The following PPP2R2C variants were observed in gnomAD, a reference collection of about 807,000 sequenced individuals.
The protein encoded by PPP2R2C is protein phosphatase 2 regulatory subunit Bgamma, also known as protein phosphatase 2, regulatory subunit B, gamma.
A neutral mutation model predicts 45.3 loss-of-function variants in PPP2R2C; 10 were observed. The ratio of observed to expected loss-of-function variants is 0.22; its 90% CI spans 0.14 to 0.37. PPP2R2C has a LOEUF of 0.37. Among genes scored for constraint, PPP2R2C ranks in the 10% least tolerant of loss-of-function variants. The pLI, the probability that PPP2R2C is intolerant of heterozygous loss-of-function variation, is 1.00. For synonymous variants in PPP2R2C, 257 were observed against 245.4 expected (o/e 1.05, Z -0.44); for missense variants, 308 against 619.7 (o/e 0.50, Z 5.34).
chr4:6,538,890 G>T (rs1322013847), intron 1 of PPP2R2C, among the ~76,000 whole-genome samples: 2 of 152,152 alleles, frequency 1.3e-5, no homozygotes, highest in African/African-American at 4.8e-5. Context: ...CCCGGTACCT[G>T]CTCAGAGCAG....
chr4:6,361,882 A>G (rs1713772470), intron 5 of PPP2R2C, among the ~76,000 whole-genome samples: 1 of 152,232 alleles, frequency 6.6e-6, no homozygotes, highest in Admixed American at 6.5e-5. Context: ...TGATCGATCG[A>G]TGGCCTAAGA....
intron 2 of PPP2R2C, among the ~76,000 whole-genome samples, chr4:6,504,816 CCAAA>C (rs970896833): frequency 2.6e-5 from 4 of 152,148 alleles, no homozygotes; most frequent in Non-Finnish European, 4.4e-5. Flanking sequence ...GGGCCAAACA[CCAAA>C]CAGTCTCCCA....
intron 5 of PPP2R2C, chr4:6,350,036 G>T (rs192566616): frequency 1.0e-6 from 1 of 985,398 alleles, no homozygotes; most frequent in Non-Finnish European, 1.2e-6. Context: ...CCGGAAGCAC[G>T]TCATTAACCA....
intron 5 of PPP2R2C, among the ~76,000 whole-genome samples, 174 bp downstream of exon 5, chr4:6,372,349 C>T (rs921817624): frequency 6.6e-6 from 1 of 152,212 alleles, no homozygotes; most frequent in Non-Finnish European, 1.5e-5. Flanking sequence ...ACAGACGTGA[C>T]ATGATTTTGT....
At chr4:6,468,415 G>A (rs1411801542) in intron 1 of PPP2R2C, among the ~76,000 whole-genome samples, 2 of 152,234 alleles carry the variant, frequency 1.3e-5, no homozygotes, top group Admixed American at 1.3e-4. Flanking sequence ...GACATCCAGG[G>A]ATGGGAGTTA....
rs191723932 is a variant in PPP2R2C at position 6,458,134 on chromosome 4, C to T, written c.70+14026G>A. Among the ~76,000 whole-genome samples, 160 of 152,336 alleles carry T rather than the reference C, an allele frequency of 1.1e-3. 1 individual carries two copies. The highest frequency in any genetic ancestry group is 2.0e-3 in the Non-Finnish European group (133 of 68,030). On this transcript the variant is annotated intron_variant, in intron 1 of 8. Transcript: ENST00000382599. ...CTCCATTTACCTCCAATTTAAATTT[C>T]ACTTCCAGCATTAACATCTTTCACA...
chr4:6,547,995 A>T (rs900127401), intron 1 of PPP2R2C, among the ~76,000 whole-genome samples: 1 of 152,176 alleles, frequency 6.6e-6, no homozygotes, highest in Admixed American at 6.5e-5. Flanking sequence ...AGGCAGGCAG[A>T]TCACTTGAGG....
intron 2 of PPP2R2C, among the ~76,000 whole-genome samples, chr4:6,511,547 TGGTGGTGGTGGTGGTGGTGGTGG>T (rs1723496893): frequency 1.0e-4 from 1 of 9,876 alleles, no homozygotes; most frequent in Non-Finnish European, 2.7e-4. Context: ...GTGGTGGTGA[TGGTGGTGGTGGTGGTGGTGGTGG>T]TGATGGCGGT....
At chr4:6,352,199 GC>G (rs1355973505) in intron 5 of PPP2R2C, among the ~76,000 whole-genome samples, 1 of 151,916 alleles carries the variant, frequency 6.6e-6, no homozygotes, top group African/African-American at 2.4e-5. Context: ...GAAGCTGAGG[GC>G]CCCCGGCTGG....
chr4:6,512,276 G>T (rs796842547), intron 2 of PPP2R2C, among the ~76,000 whole-genome samples: 79 of 18,470 alleles, frequency 4.3e-3, no homozygotes, highest in East Asian at 0.029. Context: ...GTGATGGTGG[G>T]GGTGGTGGTG....
chr4:6,387,567 T>C (rs1275007874), intron 1 of PPP2R2C, among the ~76,000 whole-genome samples: 1 of 151,988 alleles, frequency 6.6e-6, no homozygotes, highest in South Asian at 2.1e-4. Flanking sequence ...TCCCAGCACT[T>C]TGGGAGTCCA....
At chr4:6,513,316 A>C (rs1429924416) in intron 2 of PPP2R2C, among the ~76,000 whole-genome samples, 3 of 152,178 alleles carry the variant, frequency 2.0e-5, no homozygotes, top group African/African-American at 4.8e-5. Context: ...CAGTCCAAAG[A>C]GTGGGCACAG....
intron 3 of PPP2R2C, among the ~76,000 whole-genome samples, chr4:6,376,326 G>A (rs4689425): frequency 0.41 from 63,030 of 152,080 alleles, 16,283 homozygotes; most frequent in East Asian, 0.64. Flanking sequence ...GGTACCCAAG[G>A]CCCTGCCATT....
At chr4:6,555,885 TG>T (rs1725385918) in intron 1 of PPP2R2C, among the ~76,000 whole-genome samples, 1 of 152,200 alleles carries the variant, frequency 6.6e-6, no homozygotes, top group Non-Finnish European at 1.5e-5. Flanking sequence ...TGTTGGAGAC[TG>T]GGACCTCAGC....
At chr4:6,496,753 T>C (rs1266739578) in intron 2 of PPP2R2C, among the ~76,000 whole-genome samples, 1 of 151,808 alleles carries the variant, frequency 6.6e-6, no homozygotes, top group African/African-American at 2.4e-5. Flanking sequence ...CCCAGCTACT[T>C]GGGAGGCTGA....
At chr4:6,467,130 G>C (rs911647342) in intron 1 of PPP2R2C, among the ~76,000 whole-genome samples, 1 of 152,182 alleles carries the variant, frequency 6.6e-6, no homozygotes, top group Admixed American at 6.5e-5. Flanking sequence ...CCCAAGGGAA[G>C]CTTATGTAAG....
chr4:6,487,952 G>A (rs1366494151), intron 2 of PPP2R2C, among the ~76,000 whole-genome samples: 2 of 151,916 alleles, frequency 1.3e-5, no homozygotes, highest in Non-Finnish European at 2.9e-5. Context: ...TTTTTGGATA[G>A]TTTCTATTGC....
intron 2 of PPP2R2C, among the ~76,000 whole-genome samples, chr4:6,520,875 T>C (rs1218820078): frequency 6.6e-6 from 1 of 152,214 alleles, no homozygotes; most frequent in Non-Finnish European, 1.5e-5. Flanking sequence ...GAAACTGAAG[T>C]GCAGGAGGCA....
At chr4:6,521,487 G>C (rs987705686) in intron 2 of PPP2R2C, among the ~76,000 whole-genome samples, 2 of 152,208 alleles carry the variant, frequency 1.3e-5, no homozygotes, top group African/African-American at 4.8e-5. Flanking sequence ...GCCCTAACAA[G>C]GGACACCCCA....
Sources: allele counts gnomAD v4.1 joint callset (sites outside exome capture counted in the v4.1 genomes callset), GRCh38; gene constraint gnomAD v4.1.1; transcripts MANE v1.5; gene names NCBI Gene and HGNC (gene_info 2026-07-23, HGNC 2026-07-21).